The following FBXW7 variants were observed in gnomAD, a reference collection of about 807,000 sequenced individuals.
The protein encoded by FBXW7 is F-box and WD repeat domain containing 7.
In FBXW7, 11 loss-of-function variants were observed where a neutral mutation model predicts 86.3. The ratio of observed to expected loss-of-function variants is 0.13; its 90% CI spans 0.08 to 0.21. FBXW7 has a LOEUF of 0.21. FBXW7 is among the 10% of genes least tolerant of loss of function. The pLI, the probability that FBXW7 is intolerant of heterozygous loss-of-function variation, is 1.00. For missense variants in FBXW7, 488 were observed against 847.4 expected (o/e 0.58, Z 5.27); for synonymous variants, 313 against 297.9 (o/e 1.05, Z -0.52).
chr4:152,396,888 G>A (rs72721611), intron 4 of FBXW7, among the ~76,000 whole-genome samples: 1 of 151,852 alleles, frequency 6.6e-6, no homozygotes, highest in Non-Finnish European at 1.5e-5. Context: ...TAAAATAATT[G>A]TAAGTTCATC....
At chr4:152,521,196 A>G (rs1460296724) in intron 2 of FBXW7, among the ~76,000 whole-genome samples, 1 of 152,150 alleles carries the variant, frequency 6.6e-6, no homozygotes, top group African/African-American at 2.4e-5. Flanking sequence ...GAAAAATACA[A>G]ATAAGGATGT....
intron 4 of FBXW7, among the ~76,000 whole-genome samples, chr4:152,386,720 T>C (rs958213374): frequency 2.6e-5 from 4 of 152,126 alleles, no homozygotes; most frequent in African/African-American, 7.2e-5. Context: ...TCATCCAAGA[T>C]GGGCTAAACA....
chr4:152,489,028 G>A (rs1175360693), intron 2 of FBXW7, among the ~76,000 whole-genome samples: 3 of 151,974 alleles, frequency 2.0e-5, no homozygotes, highest in African/African-American at 7.2e-5. Context: ...GCTTAGACAG[G>A]ATTTTTTAAA....
intron 2 of FBXW7, among the ~76,000 whole-genome samples, chr4:152,508,840 A>T (rs892920832): frequency 5.9e-5 from 9 of 152,120 alleles, no homozygotes; most frequent in Non-Finnish European, 1.3e-4. Flanking sequence ...GAAAAAAAGC[A>T]ACTAGAGTGG....
rs548030720 is a variant in FBXW7 at position 152,398,171 on chromosome 4, T to C, written c.501+13132A>G. Among the ~76,000 whole-genome samples the C allele has an allele frequency of 2.4e-4, 36 of 152,076 alleles. 1 individual carries two copies. In the East Asian group the frequency reaches 6.8e-3, roughly 29 times the overall value. ...TCCAAATTCTGAGCAAGACATACTA[T>C]ACTAAAACACAAAGTAGGAGAGAAA... On this transcript the variant is annotated intron_variant, in intron 4 of 13. Transcript: ENST00000281708.
intron 2 of FBXW7, among the ~76,000 whole-genome samples, chr4:152,527,212 T>C (rs1749593762): frequency 6.6e-6 from 1 of 152,244 alleles, no homozygotes; most frequent in African/African-American, 2.4e-5. Context: ...AATAAATAGC[T>C]TGTCCAAGGC....
chr4:152,470,595 T>C (rs1278467840), intron 2 of FBXW7, among the ~76,000 whole-genome samples: 1 of 152,146 alleles, frequency 6.6e-6, no homozygotes, highest in Non-Finnish European at 1.5e-5. Context: ...AAATGTATAA[T>C]GGGCAAATCA....
chr4:152,532,825 A>G (rs531716209), intron 2 of FBXW7, among the ~76,000 whole-genome samples: 67 of 152,170 alleles, frequency 4.4e-4, no homozygotes, highest in Admixed American at 8.5e-4. Context: ...CCTACAAGTA[A>G]AAGCATCTCA....
intron 2 of FBXW7, among the ~76,000 whole-genome samples, chr4:152,476,189 T>C (rs1255651665): frequency 6.6e-6 from 1 of 152,176 alleles, no homozygotes; most frequent in African/African-American, 2.4e-5. Flanking sequence ...TAAGGGCAAT[T>C]GATTTTTGAC....
chr4:152,458,341 T>C (rs924492380), intron 2 of FBXW7, among the ~76,000 whole-genome samples: 2 of 152,112 alleles, frequency 1.3e-5, no homozygotes, highest in Non-Finnish European at 2.9e-5. Flanking sequence ...TCTAAACAGG[T>C]TGACATAGTG....
chr4:152,393,090 C>T (rs1003988585), intron 4 of FBXW7, among the ~76,000 whole-genome samples: 3 of 152,024 alleles, frequency 2.0e-5, no homozygotes, highest in Non-Finnish European at 2.9e-5. Flanking sequence ...ATCTGAAAAG[C>T]CCTTTTAGAA....
intron 2 of FBXW7, among the ~76,000 whole-genome samples, chr4:152,526,986 G>A (rs1027109160): frequency 1.3e-5 from 2 of 152,074 alleles, no homozygotes; most frequent in African/African-American, 4.8e-5. Flanking sequence ...TTTAAATGTT[G>A]GGCTTAATAT....
At chr4:152,440,797 T>C (rs1051519499) in intron 2 of FBXW7, among the ~76,000 whole-genome samples, 16 of 152,194 alleles carry the variant, frequency 1.1e-4, no homozygotes, top group Non-Finnish European at 4.4e-5. Context: ...CTCCAAATCA[T>C]GTCCTATATG....
At chr4:152,474,541 C>T (rs543312837) in intron 2 of FBXW7, among the ~76,000 whole-genome samples, 1 of 152,176 alleles carries the variant, frequency 6.6e-6, no homozygotes, top group Non-Finnish European at 1.5e-5. Flanking sequence ...AATTACCCAT[C>T]ACCTATTTGA....
intron 2 of FBXW7, among the ~76,000 whole-genome samples, chr4:152,433,911 G>C (rs1050720350): frequency 2.0e-5 from 3 of 152,136 alleles, no homozygotes; most frequent in Admixed American, 2.0e-4. Flanking sequence ...AATGCTTTTA[G>C]AAACTATAGG....
intron 7 of FBXW7, among the ~76,000 whole-genome samples, chr4:152,333,891 T>C (rs1027956419): frequency 2.0e-5 from 3 of 151,900 alleles, no homozygotes; most frequent in East Asian, 3.9e-4. Flanking sequence ...CCATCTCTAC[T>C]AAAAATACAA....
intron 4 of FBXW7, among the ~76,000 whole-genome samples, chr4:152,394,196 G>A (rs952537307): frequency 6.6e-6 from 1 of 152,018 alleles, no homozygotes; most frequent in African/African-American, 2.4e-5. Context: ...GAAAAACTTA[G>A]ATATTTTCTG....
At chr4:152,495,887 A>T (rs1746292605) in intron 2 of FBXW7, among the ~76,000 whole-genome samples, 1 of 152,248 alleles carries the variant, frequency 6.6e-6, no homozygotes. Flanking sequence ...ATTAGAAGTA[A>T]GAGTTTAGGC....
At chr4:152,369,147 A>AG (rs1579013804) in intron 4 of FBXW7, among the ~76,000 whole-genome samples, 1 of 152,118 alleles carries the variant, frequency 6.6e-6, no homozygotes, top group Admixed American at 6.6e-5. Flanking sequence ...AGAATTAATT[A>AG]TAAATTTTAC....
Sources: allele counts gnomAD v4.1 joint callset (sites outside exome capture counted in the v4.1 genomes callset), GRCh38; gene constraint gnomAD v4.1.1; transcripts MANE v1.5; gene names NCBI Gene and HGNC (gene_info 2026-07-23, HGNC 2026-07-21).